Variants in HDAC4 observed in about 807,000 individuals in gnomAD.
HDAC4 encodes histone deacetylase 4.
HDAC4 carries 16 observed loss-of-function variants against 135.1 expected under a neutral mutation model. The observed-to-expected ratio is 0.12, with a 90% CI of 0.08 to 0.18. The LOEUF is 0.18. Among genes scored for constraint, HDAC4 ranks in the 10% least tolerant of loss-of-function variants. The pLI, the probability that HDAC4 is intolerant of heterozygous loss-of-function variation, is 1.00. For synonymous variants in HDAC4, 685 were observed against 653.4 expected, an observed-to-expected ratio of 1.05 and a Z score of -0.74; for missense variants, 1,143 against 1,511.8, an observed-to-expected ratio of 0.76 and a Z score of 4.05.
At chr2:239,246,423 T>A (rs1016996533) in intron 2 of HDAC4, among the ~76,000 whole-genome samples, 1 of 152,116 alleles carries the variant, frequency 6.6e-6, no homozygotes, top group Non-Finnish European at 1.5e-5. Flanking sequence ...CAGGAATCAG[T>A]GTGGAAAAGG....
chr2:239,316,061 C>T (rs1439592754), intron 2 of HDAC4, among the ~76,000 whole-genome samples: 9 of 152,150 alleles, frequency 5.9e-5, no homozygotes, highest in Non-Finnish European at 1.5e-5. Flanking sequence ...AAAAGCCTAA[C>T]AGAAAAGCCA....
At chr2:239,191,184 G>A (rs539144695) in intron 3 of HDAC4, 1 of 350,974 alleles carries the variant, frequency 2.8e-6, no homozygotes, top group Admixed American at 3.6e-5. Flanking sequence ...TTGCCCTCTA[G>A]GAGGGTCTCA....
At chr2:239,339,886 A>T (rs918160001) in intron 2 of HDAC4, among the ~76,000 whole-genome samples, 3 of 152,160 alleles carry the variant, frequency 2.0e-5, no homozygotes, top group African/African-American at 7.2e-5. Flanking sequence ...AGGAAACCGC[A>T]GCCAAGAACC....
intron 20 of HDAC4, among the ~76,000 whole-genome samples, chr2:239,083,930 C>A (rs552278428): frequency 2.1e-4 from 32 of 152,368 alleles, no homozygotes; most frequent in African/African-American, 7.5e-4. Context: ...CCCACAGGCA[C>A]ATTTTTAGAC....
chr2:239,288,716 A>C (rs1344405257), intron 2 of HDAC4, among the ~76,000 whole-genome samples: 1 of 152,206 alleles, frequency 6.6e-6, no homozygotes, highest in Non-Finnish European at 1.5e-5. Context: ...ACAATCTACC[A>C]AAGAATAAAG....
At chr2:239,287,064 T>C (rs2051180311) in intron 2 of HDAC4, among the ~76,000 whole-genome samples, 1 of 152,182 alleles carries the variant, frequency 6.6e-6, no homozygotes, top group South Asian at 2.1e-4. Context: ...GGGAATGTCC[T>C]GGGGACCTCT....
intron 2 of HDAC4, among the ~76,000 whole-genome samples, chr2:239,273,535 C>A (rs1253073840): frequency 6.6e-6 from 1 of 152,188 alleles, no homozygotes; most frequent in Admixed American, 6.5e-5. Context: ...CTGCAGCCCC[C>A]AGGAAGGAAG....
intron 3 of HDAC4, among the ~76,000 whole-genome samples, chr2:239,228,542 G>C (rs528306757): frequency 1.3e-5 from 2 of 152,160 alleles, no homozygotes; most frequent in East Asian, 3.9e-4. Context: ...AGATCTGAGG[G>C]GAAGGAGAGC....
intron 24 of HDAC4, among the ~76,000 whole-genome samples, chr2:239,064,345 G>C (rs575097336): frequency 2.6e-3 from 402 of 152,336 alleles, no homozygotes; most frequent in African/African-American, 8.9e-3. Flanking sequence ...TGCTGGGGGC[G>C]GGGGAGGGGC....
intron 2 of HDAC4, among the ~76,000 whole-genome samples, chr2:239,332,423 T>C (rs1008482918): frequency 2.0e-5 from 3 of 151,868 alleles, no homozygotes; most frequent in Non-Finnish European, 4.4e-5. Context: ...TAGAAATCAA[T>C]AACAAAATGA....
intron 1 of HDAC4, among the ~76,000 whole-genome samples, chr2:239,369,122 C>CAGACAGGCCCTCTCTGG (rs1237401423): frequency 1.4e-4 from 22 of 152,260 alleles, no homozygotes; most frequent in African/African-American, 4.6e-4. Flanking sequence ...TGACAAGACA[C>CAGACAGGCCCTCTCTGG]AGACAGGCCC....
At chr2:239,290,996 T>C (rs957885155) in intron 2 of HDAC4, among the ~76,000 whole-genome samples, 1 of 152,180 alleles carries the variant, frequency 6.6e-6, no homozygotes, top group Non-Finnish European at 1.5e-5. Flanking sequence ...GAGCCAGGCC[T>C]CAAGAAAACC....
intron 2 of HDAC4, among the ~76,000 whole-genome samples, chr2:239,259,349 G>T (rs1330745549): frequency 6.6e-6 from 1 of 152,182 alleles, no homozygotes; most frequent in African/African-American, 2.4e-5. Flanking sequence ...GGTGGCTGAG[G>T]TGGGGGACTG....
rs1483560428 is a variant in HDAC4 at position 239,114,941 on chromosome 2, T to C, written c.1791+112A>G. ...ACAAGACAGGTGAGACACTGGACAGTGACCGCGCAAGGATGCCCTGCAGCC... is the reference window on the plus strand; with the variant it reads ...ACAAGACAGGTGAGACACTGGACAGCGACCGCGCAAGGATGCCCTGCAGCC... On this transcript the variant is annotated intron_variant, in intron 13 of 26. Coordinates refer to ENST00000543185, the MANE Select transcript of HDAC4 (RefSeq NM_001378414.1). The C allele has an allele frequency of 2.3e-6, 3 of 1,295,250 alleles. No individual in the cohort carries two copies. In the Admixed American group the frequency reaches 6.0e-5, roughly 26 times the overall value. 80.2% of individuals were successfully genotyped at this position (1,295,250 alleles called of 1,614,324 possible).
intron 1 of HDAC4, among the ~76,000 whole-genome samples, chr2:239,377,118 TC>T (rs1695065459): frequency 6.6e-6 from 1 of 152,054 alleles, no homozygotes; most frequent in African/African-American, 2.4e-5. Flanking sequence ...GATGCTGTCC[TC>T]CCAAAGCCGG....
intron 2 of HDAC4, among the ~76,000 whole-genome samples, chr2:239,297,526 C>G (rs1287073016): frequency 6.6e-6 from 1 of 152,250 alleles, no homozygotes; most frequent in East Asian, 1.9e-4. Context: ...CTATGAGCTA[C>G]TGTGGAGCGG....
chr2:239,313,105 C>G lies in HDAC4; in HGVS notation c.22+39573G>C, dbSNP rs891584371. Among the ~76,000 whole-genome samples, 1 of 152,178 alleles carries G rather than the reference C, an allele frequency of 6.6e-6. No homozygotes were observed. Among genetic ancestry groups the G allele is most frequent in the African/African-American group, 2.4e-5 (1 of 41,436 alleles). On this transcript the variant is annotated intron_variant, in intron 2 of 26. Coordinates refer to ENST00000543185, the MANE Select transcript of HDAC4 (RefSeq NM_001378414.1). The surrounding 1 kb of genome is among the most constrained non-coding windows in gnomAD (Gnocchi z 5.1). ...CTTCACTCAGGCTTGGGCTCTGTCCCGTGCCTCCCCGGGGGCGTTCCGAGG... is the reference window on the plus strand; with the variant it reads ...CTTCACTCAGGCTTGGGCTCTGTCCGGTGCCTCCCCGGGGGCGTTCCGAGG...
chr2:239,329,509 G>A (rs1027165162), intron 2 of HDAC4, among the ~76,000 whole-genome samples: 2 of 152,070 alleles, frequency 1.3e-5, no homozygotes, highest in Non-Finnish European at 2.9e-5. Flanking sequence ...CTCCCACCGG[G>A]ACACCCCTCC....
chr2:239,314,622 A>C (rs1024197993), intron 2 of HDAC4, among the ~76,000 whole-genome samples: 2 of 152,230 alleles, frequency 1.3e-5, no homozygotes, highest in Admixed American at 1.3e-4. Flanking sequence ...AAAATTTAAA[A>C]CTAAATGAGT....
Sources: allele counts gnomAD v4.1 joint callset (sites outside exome capture counted in the v4.1 genomes callset), GRCh38; gene constraint gnomAD v4.1.1; non-coding constraint Gnocchi (gnomAD v3.1); transcripts MANE v1.5; gene names NCBI Gene and HGNC (gene_info 2026-07-23, HGNC 2026-07-21).